The following ZNF559 variants were observed in gnomAD, a reference collection of about 807,000 sequenced individuals.
ZNF559 encodes zinc finger protein 559, also known as putative protein product of Nbla00121.
In ZNF559, 17 loss-of-function variants were observed where a neutral mutation model predicts 14.2. That is an observed-to-expected ratio of 1.20 (90% CI 0.82 to 1.80). The LOEUF (loss-of-function observed/expected upper bound fraction) is 1.80, where lower values mean the gene tolerates loss of function less well. ZNF559 is among the 40% of genes most tolerant of loss of function. The pLI is 0.00. For missense variants in ZNF559, 740 were observed against 629.7 expected (o/e 1.18, Z -1.88); for synonymous variants, 244 against 212.4 (o/e 1.15, Z -1.29).
chr19:9,338,695 C>A, intron 4 of ZNF559, 113 bp downstream of exon 4: 1 of 759,772 alleles, frequency 1.3e-6, no homozygotes, highest in Non-Finnish European at 2.2e-6. Flanking sequence ...GCTTAGGGAC[C>A]ACATCTCTCA....
chr19:9,324,669 C>T (rs772580825), intron 1 of ZNF559, 26 bp from the exon 2 acceptor site: 5 of 1,482,836 alleles, frequency 3.4e-6, no homozygotes, highest in East Asian at 2.5e-5. Context: ...GTCTCCACAT[C>T]CAGCGTTGTG....
chr19:9,336,961 A>G (rs145185706), intron 2 of ZNF559, among the ~76,000 whole-genome samples: 14 of 152,324 alleles, frequency 9.2e-5, no homozygotes, highest in African/African-American at 3.1e-4. Flanking sequence ...TTATTATAAT[A>G]AAAGGGTACA....
At chr19:9,340,553 T>TC (rs1555730368) in intron 5 of ZNF559, among the ~76,000 whole-genome samples, 4 of 143,134 alleles carry the variant, frequency 2.8e-5, no homozygotes, top group Admixed American at 7.1e-5. Context: ...TTCTTTTTTT[T>TC]CTCTCTCTGT....
At chr19:9,341,464 A>G in intron 6 of ZNF559, 1 of 843,256 alleles carries the variant, frequency 1.2e-6, no homozygotes, top group Non-Finnish European at 1.9e-6. Context: ...GCTAAGCTCT[A>G]TTTAGAAGCC....
intron 6 of ZNF559, 91 bp from the exon 7 acceptor site, chr19:9,341,603 TC>T: frequency 6.3e-7 from 1 of 1,595,810 alleles, no homozygotes. Flanking sequence ...TAACTTATTT[TC>T]CATGTGTAAC....
chr19:9,324,279 C>T lies in ZNF559; in HGVS notation c.-206+51C>T, dbSNP rs150129535. The T allele has an allele frequency of 3.9e-6, 6 of 1,535,790 alleles. No individual in the cohort carries two copies. In the South Asian group the frequency reaches 7.1e-5, roughly 18 times the overall value. ...TCGGTGGTGTCCCGGTGCAGCCACG[C>T]GAGAGTAGAAGGGTGGAAAGGGGAG... is the stretch of plus-strand genomic sequence containing the variant. On this transcript the variant is annotated intron_variant, in intron 1 of 6. Coordinates refer to ENST00000603380, the MANE Select transcript of ZNF559 (RefSeq NM_032497.3).
In ZNF559 at chr19:9,341,271, T is replaced by G. The variant is rs763324558; in HGVS notation, c.243+87T>G. On this transcript the variant is annotated intron_variant, in intron 6 of 6. Transcript: ENST00000603380. ...AAATGGAAAAGCAGCACAATAACCT[T>G]GAGACATTTGAGACTAGTGTTTTTC... 2.4e-6 allele frequency: 3 copies of G among 1,225,032 alleles called. No homozygotes were observed. The Admixed American group carries it at 5.4e-5, about 22-fold the overall frequency. The allele number at this position is 1,225,032 out of a possible 1,614,324, so 75.9% of individuals were successfully genotyped here. A position where few individuals can be genotyped will look rare whatever the true frequency, so the allele number is the denominator to read the frequency against.
intron 2 of ZNF559, among the ~76,000 whole-genome samples, chr19:9,330,876 G>T (rs530769332): frequency 4.5e-4 from 68 of 152,190 alleles, no homozygotes; most frequent in Non-Finnish European, 8.1e-4. Flanking sequence ...CTATTTGTAG[G>T]TTTGCTTTGC....
At chr19:9,341,449 T>TATC in intron 6 of ZNF559, 1 of 797,574 alleles carries the variant, frequency 1.3e-6, no homozygotes, top group Non-Finnish European at 2.1e-6. Flanking sequence ...CTTGGGCCGT[T>TATC]ATCAGCTAAG....
intron 2 of ZNF559, among the ~76,000 whole-genome samples, chr19:9,333,744 T>C (rs1293415088): frequency 3.0e-5 from 3 of 99,628 alleles, no homozygotes; most frequent in African/African-American, 9.1e-5. Flanking sequence ...CCTACGTATG[T>C]AACTGACAAA....
intron 2 of ZNF559, among the ~76,000 whole-genome samples, chr19:9,332,637 G>A (rs2067001595): frequency 1.3e-5 from 2 of 152,206 alleles, no homozygotes; most frequent in South Asian, 4.1e-4. Flanking sequence ...ATTCATCACT[G>A]TGAATTCTGT....
chr19:9,324,584 A>C, intron 1 of ZNF559, 111 bp from the exon 2 acceptor site: 1 of 1,141,842 alleles, frequency 8.8e-7, no homozygotes, highest in East Asian at 2.6e-5. Context: ...ACTTGAGGCC[A>C]GGAGTTCAAG....
Position 9,341,854 on chromosome 19 carries a change from A to T in ZNF559, c.403A>T (p.Thr135Ser). The change falls in exon 7 of 7, where the codon ACT becomes TCT. Residue 135 changes from threonine (T) to serine (S), a missense_variant. Coordinates refer to ENST00000603380, the MANE Select transcript of ZNF559 (RefSeq NM_032497.3). ...EKAFRKPSIF[T>S]LHKKTDIGEE... is the part of the protein sequence containing the mutation. ...AGCCTTCAGAAAACCCTCTATCTTT[A>T]CTTTACACAAGAAAACTGATATCGG... The T allele has an allele frequency of 2.5e-6, 4 of 1,610,064 alleles. No individual in the cohort carries two copies. The highest frequency in any genetic ancestry group is 2.2e-5 in the East Asian group (1 of 44,852).
Position 9,345,126 on chromosome 19 carries a change from C to T in ZNF559, c.*2058C>T, listed in dbSNP as rs2067701661. ...TGGAATCATATAGTCTGGCATCTTT[C>T]AGGATAATTTTTTCAGATCCATTTA... On this transcript the variant is annotated 3_prime_UTR_variant, in exon 7 of 7. Transcript: ENST00000603380. 1 of 152,168 alleles carries T rather than the reference C, an allele frequency of 6.6e-6. No homozygotes were observed. The highest frequency in any genetic ancestry group is 1.5e-5 in the Non-Finnish European group (1 of 68,032). 9.4% of individuals were successfully genotyped at this position (152,168 alleles called of 1,614,324 possible). A position where few individuals can be genotyped will look rare whatever the true frequency, so the allele number is the denominator to read the frequency against.
chr19:9,338,391 C>CGT (rs1555729778), intron 3 of ZNF559, 103 bp from the exon 4 acceptor site: 2 of 790,820 alleles, frequency 2.5e-6, no homozygotes, highest in East Asian at 2.7e-5. Flanking sequence ...TTTATTATAA[C>CGT]GTGTGTGTGT....
At chr19:9,330,593 C>T (rs2066886839) in intron 2 of ZNF559, among the ~76,000 whole-genome samples, 1 of 152,152 alleles carries the variant, frequency 6.6e-6, no homozygotes, top group Non-Finnish European at 1.5e-5. Context: ...TTGGACCCCT[C>T]TAGTTAATAT....
intron 2 of ZNF559, among the ~76,000 whole-genome samples, chr19:9,331,203 G>A (rs1467718348): frequency 6.6e-6 from 1 of 152,156 alleles, no homozygotes; most frequent in African/African-American, 2.4e-5. Flanking sequence ...GAGAGGTCAG[G>A]AGGTCAAGTA....
At position 9,341,956 on chromosome 19, in the gene ZNF559, C is replaced by CA; in HGVS notation, c.509dup (p.Asn170LysfsTer17). 1.9e-6 allele frequency: 3 copies of CA among 1,613,708 alleles called. No individual in the cohort carries two copies. The highest frequency in any genetic ancestry group is 2.5e-6 in the Non-Finnish European group (3 of 1,179,908). ...ACATCTTGTTTGCAAGAAAACTAGC[C>CA]AAAATCTACATCTTGTTTGCAAGAA... On this transcript the variant is annotated frameshift_variant, in exon 7 of 7. Coordinates refer to ENST00000603380, the MANE Select transcript of ZNF559 (RefSeq NM_032497.3). LOFTEE classifies it low-confidence loss of function (END_TRUNC).
rs2066476423 is a variant in ZNF559 at position 9,324,633 on chromosome 19, C to T, written c.-205-62C>T. ...ACATAGGGAGACCCCCCCCCCCAAC[C>T]ATCTCTAATGGAAAAAAAAAAAAAA... On this transcript the variant is annotated intron_variant, in intron 1 of 6. Transcript: ENST00000603380. 3 of 1,016,086 alleles carry T rather than the reference C, an allele frequency of 3.0e-6. No homozygotes were observed. In the African/African-American group the frequency reaches 6.6e-5, roughly 22 times the overall value. 62.9% of individuals were successfully genotyped at this position (1,016,086 alleles called of 1,614,324 possible).
Sources: allele counts gnomAD v4.1 joint callset (sites outside exome capture counted in the v4.1 genomes callset), GRCh38; gene constraint gnomAD v4.1.1; transcripts MANE v1.5; gene names NCBI Gene and HGNC (gene_info 2026-07-23, HGNC 2026-07-21).